PIK3C2G: variants seen among roughly 807,000 people sequenced by gnomAD.
PIK3C2G encodes the protein phosphatidylinositol 3-kinase C2 domain-containing subunit gamma.
In PIK3C2G, 168 loss-of-function variants were observed where a neutral mutation model predicts 181.1. The observed-to-expected ratio is 0.93, with a 90% CI of 0.82 to 1.05. PIK3C2G has a LOEUF of 1.05. PIK3C2G is among the 50% of genes least tolerant of loss of function. The probability of loss-of-function intolerance (pLI) is 0.00; values close to 1 mark genes in which losing one functional copy is unlikely to be tolerated. For missense variants in PIK3C2G, 1,869 were observed against 1,732.8 expected (o/e 1.08, Z -1.40); for synonymous variants, 573 against 592.2 (o/e 0.97, Z 0.47).
the PIK3C2G span, among the ~76,000 whole-genome samples, chr12:18,697,304 T>G: frequency 6.6e-6 from 1 of 152,164 alleles, no homozygotes; most frequent in Non-Finnish European, 1.5e-5. Flanking sequence ...TTATCAATAT[T>G]TATTTTCAAA....
intron 18 of PIK3C2G, among the ~76,000 whole-genome samples, chr12:18,438,456 CTTGTCTTGACAAGA>C (rs1457441223): frequency 1.3e-5 from 2 of 151,884 alleles, no homozygotes; most frequent in African/African-American, 4.8e-5. Context: ...ACTACTCCTT[CTTGTCTTGACAAGA>C]TTGTCTTATG....
At chr12:18,259,339 C>T (rs1257024132), upstream of PIK3C2G, among the ~76,000 whole-genome samples, 2 of 152,008 alleles carry the variant, frequency 1.3e-5, no homozygotes. Flanking sequence ...TGCAGGTAGC[C>T]AGCTTCGGGG....
chr12:18,578,963 C>G (rs1946361308), intron 29 of PIK3C2G, among the ~76,000 whole-genome samples: 1 of 152,006 alleles, frequency 6.6e-6, no homozygotes, highest in Non-Finnish European at 1.5e-5. Context: ...AGTTGCTAGT[C>G]TTATGACAAC....
intron 13 of PIK3C2G, among the ~76,000 whole-genome samples, chr12:18,377,831 CAT>C (rs896470413): frequency 6.6e-6 from 1 of 152,018 alleles, no homozygotes. Flanking sequence ...ATAAATATTA[CAT>C]ATATATATGG....
rs202039578 is a variant in PIK3C2G, at chr12:18,505,326, G to A, written c.3188G>A (p.Trp1063Ter). The A allele has an allele frequency of 4.7e-5, 75 of 1,611,324 alleles. No individual in the cohort carries two copies. The Middle Eastern group carries it at 1.3e-3, about 28-fold the overall frequency. Reference protein sequence around the residue: ...LRNFFYSCAGWCVVTFILGVC... With the variant: ...LRNFFYSCAG ...AACTTTTTCTACTCCTGTGCTGGCTGGTGTGTGGTAACATTCATCCTGGGA... is the reference window on the plus strand; with the variant it reads ...AACTTTTTCTACTCCTGTGCTGGCTAGTGTGTGGTAACATTCATCCTGGGA... The change falls in exon 24 of 33, where the codon TGG becomes TAG. Residue 1063 changes from tryptophan (W) to a stop codon, truncating the protein, a stop_gained. Coordinates refer to ENST00000538779, the MANE Select transcript of PIK3C2G (RefSeq NM_001288772.2). LOFTEE classifies it high-confidence loss of function.
intron 15 of PIK3C2G, among the ~76,000 whole-genome samples, chr12:18,392,166 C>T (rs1461669440): frequency 6.6e-6 from 1 of 152,000 alleles, no homozygotes; most frequent in Non-Finnish European, 1.5e-5. Flanking sequence ...ATTTGGGAGA[C>T]ATATTTTGGC....
intron 31 of PIK3C2G, among the ~76,000 whole-genome samples, chr12:18,624,122 G>A (rs866123148): frequency 2.5e-4 from 38 of 151,560 alleles, no homozygotes; most frequent in African/African-American, 9.0e-4. Context: ...AGATTTTAGA[G>A]GAAAAGCTTT....
chr12:18,529,721 T>A (rs1335215678), intron 24 of PIK3C2G, among the ~76,000 whole-genome samples: 1 of 152,190 alleles, frequency 6.6e-6, no homozygotes, highest in Non-Finnish European at 1.5e-5. Flanking sequence ...ATTAGCATCC[T>A]TGTCCATTTC....
intron 15 of PIK3C2G, among the ~76,000 whole-genome samples, chr12:18,393,186 C>T (rs1320780982): frequency 6.6e-6 from 1 of 151,932 alleles, no homozygotes; most frequent in African/African-American, 2.4e-5. Flanking sequence ...TAAATTAACC[C>T]TGGTGATTTC....
At chr12:18,610,045 TA>T (rs1162135867) in intron 31 of PIK3C2G, among the ~76,000 whole-genome samples, 16 of 152,172 alleles carry the variant, frequency 1.1e-4, no homozygotes, top group African/African-American at 3.9e-4. Context: ...ACAAAATCTG[TA>T]GTTAGCCTCC....
Position 18,346,618 on chromosome 12 carries a change from GATCTCT to G in PIK3C2G, c.1430-16_1430-11del. 1.4e-6 allele frequency: 2 copies of G among 1,478,918 alleles called. No individual in the cohort carries two copies. The highest frequency in any genetic ancestry group is 4.6e-5 in the East Asian group (2 of 43,216). The allele number at this position is 1,478,918 out of a possible 1,614,324, so 91.6% of individuals were successfully genotyped here. ...TAAATATGGCCCTTCTTAGTGACTT[GATCTCT>G]ATCTCTTCCTTTCTAGGCTTGATAG... On this transcript the variant is annotated splice_polypyrimidine_tract_variant and intron_variant, in intron 10 of 32. Coordinates refer to ENST00000538779, the MANE Select transcript of PIK3C2G (RefSeq NM_001288772.2).
intron 6 of PIK3C2G, 29 bp from the exon 7 acceptor site, chr12:18,320,933 T>G: frequency 7.8e-7 from 1 of 1,279,778 alleles, no homozygotes; most frequent in Non-Finnish European, 1.1e-6. Context: ...ATTCACTCAA[T>G]AAATATTAAT....
At position 18,282,639 on chromosome 12, in the gene PIK3C2G, C is replaced by A. The variant is rs17847805; in HGVS notation, c.558C>A (p.Phe186Leu). The stretch of plus-strand genomic sequence containing the variant: ...CAAATTCATCCTTCTCAAGTGACTT[C>A]ATGCCGAAAGAAGAGAATAAAAGGA... ...PPTNSSFSSD[F>L]MPKEENKRSG... The change falls in exon 2 of 33, where the codon TTC becomes TTA. Residue 186 changes from phenylalanine (F) to leucine (L), a missense_variant. Phe to Leu is a conservative substitution (Grantham distance 22). Coordinates refer to ENST00000538779, the MANE Select transcript of PIK3C2G (RefSeq NM_001288772.2). 109 of 1,613,186 alleles carry A rather than the reference C, an allele frequency of 6.8e-5. 2 individuals are homozygous for A. The East Asian group carries it at 2.4e-3, about 36-fold the overall frequency.
At chr12:18,429,311 C>T in intron 18 of PIK3C2G, among the ~76,000 whole-genome samples, 1 of 152,164 alleles carries the variant, frequency 6.6e-6, no homozygotes, top group East Asian at 1.9e-4. Flanking sequence ...TGCTTACACC[C>T]TGATTTTGGA....
chr12:18,535,168 T>A (rs1010612640), intron 24 of PIK3C2G, among the ~76,000 whole-genome samples: 1 of 152,098 alleles, frequency 6.6e-6, no homozygotes, highest in Non-Finnish European at 1.5e-5. Flanking sequence ...AATTTTATCC[T>A]AACTGAAATT....
intron 32 of PIK3C2G, among the ~76,000 whole-genome samples, chr12:18,643,052 A>G (rs1198524399): frequency 6.6e-6 from 1 of 152,142 alleles, no homozygotes; most frequent in Non-Finnish European, 1.5e-5. Context: ...AAGCATTTTC[A>G]GTATAAGAAA....
chr12:18,519,660 C>G (rs1942782583), intron 24 of PIK3C2G, among the ~76,000 whole-genome samples: 1 of 152,086 alleles, frequency 6.6e-6, no homozygotes, highest in Non-Finnish European at 1.5e-5. Context: ...TTGGTCTTGA[C>G]TCTTTATCCA....
chr12:18,701,383 G>T, the PIK3C2G span: 1 of 1,527,574 alleles, frequency 6.5e-7, no homozygotes, highest in Admixed American at 2.0e-5. Flanking sequence ...GTAAATGATA[G>T]ACTAGAGTTT....
upstream of PIK3C2G, among the ~76,000 whole-genome samples, chr12:18,245,606 C>T (rs1480881827): frequency 1.3e-5 from 2 of 151,922 alleles, no homozygotes; most frequent in African/African-American, 2.4e-5. Flanking sequence ...TTATAATGTA[C>T]AATTGGATGC....
Sources: gnomAD v4.1 joint callset for allele counts (sites outside exome capture counted in the v4.1 genomes callset) on GRCh38, gnomAD v4.1.1 for gene constraint, MANE v1.5 for transcripts, NCBI Gene and HGNC (gene_info 2026-07-23, HGNC 2026-07-21) for gene names.